The following VDR variants were observed in gnomAD, a reference collection of about 807,000 sequenced individuals.
VDR encodes the protein vitamin D3 receptor.
In VDR, 19 loss-of-function variants were observed where a neutral mutation model predicts 39.7. That is an observed-to-expected ratio of 0.48 (90% CI 0.33 to 0.70). The LOEUF (loss-of-function observed/expected upper bound fraction) is 0.70. Among genes scored for constraint, VDR ranks in the 30% least tolerant of loss-of-function variants. The pLI is 0.02. For missense variants in VDR, 442 were observed against 570.5 expected (o/e 0.77, Z 2.29); for synonymous variants, 242 against 215.8 (o/e 1.12, Z -1.07).
At chr12:47,882,622 T>TGGGCCCGG in intron 2 of VDR, 72 bp downstream of exon 2, 3 of 603,848 alleles carry the variant, frequency 5.0e-6, no homozygotes, top group East Asian at 6.4e-5. Context: ...CACCTTCTTA[T>TGGGCCCGG]GCCCCTCCCC....
At chr12:47,885,517 G>T (rs1258085876) in intron 1 of VDR, among the ~76,000 whole-genome samples, 1 of 152,226 alleles carries the variant, frequency 6.6e-6, no homozygotes, top group African/African-American at 2.4e-5. Flanking sequence ...GCCCTGGGAG[G>T]ACAAAAATCA....
chr12:47,889,951 A>T (rs1946334928), intron 1 of VDR, among the ~76,000 whole-genome samples: 1 of 151,916 alleles, frequency 6.6e-6, no homozygotes, highest in Non-Finnish European at 1.5e-5. Flanking sequence ...CCGCAGCCTG[A>T]GTCCACATAG....
Position 47,848,767 on chromosome 12 carries a change from A to G in VDR, c.756-1959T>C, listed in dbSNP as rs185742942. Among the ~76,000 whole-genome samples, 1,052 of 151,754 alleles carry G rather than the reference A, an allele frequency of 6.9e-3. 18 individuals are homozygous for G. The highest frequency in any genetic ancestry group is 0.024 in the African/African-American group (1,003 of 41,374). On this transcript the variant is annotated intron_variant, in intron 7 of 9. Transcript: ENST00000549336. ...TTTTTAGTAGAGACGGGGTTTCGCCATGTTGGCCAGGCTGGTCTCGAACTC... is the reference window on the plus strand; with the variant it reads ...TTTTTAGTAGAGACGGGGTTTCGCCGTGTTGGCCAGGCTGGTCTCGAACTC...
intron 2 of VDR, among the ~76,000 whole-genome samples, chr12:47,880,855 CATATTAATATATATTAT>C (rs941639121): frequency 3.5e-5 from 5 of 143,240 alleles, no homozygotes; most frequent in Non-Finnish European, 6.1e-5. Context: ...TATATAAATA[CATATTAATATATATTAT>C]ATATTAATAT....
At chr12:47,884,067 T>A (rs1038737898) in intron 1 of VDR, among the ~76,000 whole-genome samples, 1 of 152,108 alleles carries the variant, frequency 6.6e-6, no homozygotes, top group Non-Finnish European at 1.5e-5. Flanking sequence ...CCTTCCCAGC[T>A]GACCACGCTC....
At chr12:47,902,283 G>T (rs1018111255) in intron 1 of VDR, among the ~76,000 whole-genome samples, 6 of 152,216 alleles carry the variant, frequency 3.9e-5, no homozygotes, top group Non-Finnish European at 4.4e-5. Context: ...CACAGGAAAA[G>T]GTTAGGGACA....
intron 4 of VDR, among the ~76,000 whole-genome samples, chr12:47,862,978 C>T (rs1321522516): frequency 1.3e-5 from 2 of 152,156 alleles, no homozygotes; most frequent in African/African-American, 2.4e-5. Context: ...GGTGGTGTGG[C>T]GAGAAGCTAC....
At chr12:47,904,797 G>T in intron 1 of VDR, 158 bp downstream of exon 1, 2 of 613,798 alleles carry the variant, frequency 3.3e-6, no homozygotes, top group Non-Finnish European at 5.5e-6. Context: ...TAGTGTCCCA[G>T]CCTCATGGCA....
intron 3 of VDR, among the ~76,000 whole-genome samples, chr12:47,873,148 TC>T (rs1339973135): frequency 6.6e-6 from 1 of 151,972 alleles, no homozygotes; most frequent in Non-Finnish European, 1.5e-5. Context: ...GGGACAGATT[TC>T]CCCCTTGCTG....
Position 47,843,869 on chromosome 12 carries a change from G to C in VDR, c.*877C>G, listed in dbSNP as rs556844112. The C allele has an allele frequency of 3.6e-4, 55 of 152,270 alleles. No individual in the cohort carries two copies. The highest frequency in any genetic ancestry group is 3.4e-3 in the Middle Eastern group (1 of 292). 9.4% of individuals were successfully genotyped at this position (152,270 alleles called of 1,614,324 possible). A position where few individuals can be genotyped will look rare whatever the true frequency, so the allele number is the denominator to read the frequency against. On this transcript the variant is annotated 3_prime_UTR_variant, in exon 10 of 10. Transcript: ENST00000549336. ...AGACCCTCTCCCCTGGGGAGGGGGT[G>C]GGGGAGCAGGCTCTCGGCTACTCTC...
intron 9 of VDR, 35 bp from the exon 10 acceptor site, chr12:47,845,040 G>C (rs764034253): frequency 1.1e-5 from 17 of 1,604,862 alleles, no homozygotes; most frequent in Non-Finnish European, 1.3e-5. Context: ...AGGCACAGGA[G>C]CTCTCAGCTG....
intron 2 of VDR, 59 bp from the exon 3 acceptor site, chr12:47,879,174 C>T (rs1946083857): frequency 6.9e-6 from 11 of 1,582,908 alleles, no homozygotes; most frequent in South Asian, 2.3e-5. Flanking sequence ...GGCCAGCTGG[C>T]ATCCTTGGTG....
chr12:47,862,489 G>GT (rs148215566), intron 4 of VDR, among the ~76,000 whole-genome samples: 14 of 152,336 alleles, frequency 9.2e-5, no homozygotes, highest in Non-Finnish European at 1.9e-4. Flanking sequence ...AAAAATAAAA[G>GT]TATTTACGTA....
At chr12:47,878,766 G>A (rs543506640) in intron 3 of VDR, 18 of 845,494 alleles carry the variant, frequency 2.1e-5, no homozygotes, top group South Asian at 1.4e-4. Context: ...TTCCAAGAGA[G>A]TCAGAGGAAC....
chr12:47,877,217 C>A (rs185243095), intron 3 of VDR, among the ~76,000 whole-genome samples: 1 of 152,050 alleles, frequency 6.6e-6, no homozygotes, highest in East Asian at 1.9e-4. Flanking sequence ...GAGGCCCCAT[C>A]ACTACAAAAA....
intron 1 of VDR, among the ~76,000 whole-genome samples, chr12:47,889,264 C>T (rs530916908): frequency 6.6e-6 from 1 of 152,050 alleles, no homozygotes; most frequent in Non-Finnish European, 1.5e-5. Flanking sequence ...CCAGTACCCC[C>T]AATCGCCTGC....
At chr12:47,860,657 A>G (rs372424534) in intron 4 of VDR, among the ~76,000 whole-genome samples, 6 of 152,330 alleles carry the variant, frequency 3.9e-5, no homozygotes, top group East Asian at 1.9e-4. Context: ...CAGAGTTGTC[A>G]GAGGCTGTCT....
Position 47,879,020 on chromosome 12 carries a change from T to C in VDR, c.94A>G (p.Thr32Ala), listed in dbSNP as rs1946076281. 1 of 1,614,208 alleles carries C rather than the reference T, an allele frequency of 6.2e-7. No individual in the cohort carries two copies. Residue 32 changes from threonine to alanine, a missense_variant, in exon 3 of 10, where the codon ACT (threonine) becomes GCT (alanine). Physicochemically the swap from Thr to Ala is moderately conservative, Grantham distance 58 (BLOSUM62 0). Around this residue, in one of 5 missense-constraint regions of VDR, gnomAD observed 141 missense variants for 141.3 expected, o/e 1.00. Coordinates refer to ENST00000549336, the MANE Select transcript of VDR (RefSeq NM_000376.3). ...RICGVCGDRA[T>A]GFHFNAMTCE... is the part of the protein sequence containing the mutation. ...GTCATAGCATTGAAGTGAAAGCCAG[T>C]GGCTCGGTCTCCACACACCCCACAG...
intron 1 of VDR, among the ~76,000 whole-genome samples, chr12:47,895,292 T>G (rs1199999142): frequency 6.6e-6 from 1 of 152,246 alleles, no homozygotes; most frequent in Non-Finnish European, 1.5e-5. Context: ...TCCTTTTTTT[T>G]GTGCCTTAAG....
Sources: allele counts gnomAD v4.1 joint callset (sites outside exome capture counted in the v4.1 genomes callset), GRCh38; gene constraint gnomAD v4.1.1; regional missense constraint gnomAD v4.1.1; transcripts MANE v1.5; gene names NCBI Gene and HGNC (gene_info 2026-07-23, HGNC 2026-07-21).